Variants in CD200R1L observed in about 807,000 individuals in gnomAD.
CD200R1L encodes the protein CD200 receptor 1 like.
CD200R1L carries 14 observed loss-of-function variants against 24.8 expected under a neutral mutation model. The observed-to-expected ratio is 0.56, with a 90% confidence interval of 0.37 to 0.88. The LOEUF (loss-of-function observed/expected upper bound fraction) is 0.88, where lower values mean the gene tolerates loss of function less well. Among genes scored for constraint, CD200R1L ranks in the 40% least tolerant of loss-of-function variants. The pLI is 0.00. For synonymous variants in CD200R1L, 111 were observed against 109.2 expected (o/e 1.02, Z -0.11); for missense variants, 299 against 297.8 (o/e 1.00, Z -0.03).
chr3:112,823,766 G>A (rs1938597161), intron 6 of CD200R1L, among the ~76,000 whole-genome samples: 1 of 152,184 alleles, frequency 6.6e-6, no homozygotes, highest in South Asian at 2.1e-4. Flanking sequence ...CTGATCAAAT[G>A]CAATGGAAGA....
chr3:112,819,914 G>T lies in CD200R1L; in HGVS notation c.617-19C>A, dbSNP rs1322459289. 6.4e-7 allele frequency: 1 copy of T among 1,551,360 alleles called. No homozygotes were observed. Among genetic ancestry groups the T allele is most frequent in the Non-Finnish European group, 8.6e-7 (1 of 1,156,428 alleles). On this transcript the variant is annotated intron_variant, in intron 6 of 7. Transcript: ENST00000488794. The stretch of plus-strand genomic sequence containing the variant: ...CTGAGACCTTTAAATACAGACAGGG[G>T]TGAAAAATCATTTCAAGCATTCTTC...
intron 7 of CD200R1L, among the ~76,000 whole-genome samples, chr3:112,819,194 C>G (rs747578968): frequency 4.6e-5 from 7 of 152,260 alleles, no homozygotes; most frequent in Admixed American, 2.6e-4. Flanking sequence ...CCAAGTCCCT[C>G]CCTCAACACG....
chr3:112,843,662 C>T (rs1169796412), intron 2 of CD200R1L, among the ~76,000 whole-genome samples: 1 of 152,140 alleles, frequency 6.6e-6, no homozygotes, highest in Non-Finnish European at 1.5e-5. Context: ...TATAAAGCAA[C>T]CAGCTAATGA....
rs377219496 is a variant in CD200R1L, at chr3:112,827,029, T to A, written c.580A>T (p.Thr194Ser). ...STVTCHVSHL[T>S]GNKSLSVKLN... The stretch of plus-strand genomic sequence containing the variant: ...TTTACGGACAGACTCTTGTTGCCAG[T>A]CAAATGGGAGACATGGCAGGTCACA... The change falls in exon 6 of 8, where the codon ACT (threonine) becomes TCT (serine). Residue 194 changes from threonine (T) to serine (S), a missense_variant. Coordinates refer to ENST00000488794, the MANE Select transcript of CD200R1L (RefSeq NM_001199215.3). 156 of 1,611,930 alleles carry A rather than the reference T, an allele frequency of 9.7e-5. 1 individual carries two copies. The South Asian group carries it at 9.9e-4, about 10-fold the overall frequency.
chr3:112,843,596 T>C (rs181771797), intron 2 of CD200R1L, among the ~76,000 whole-genome samples: 4 of 152,358 alleles, frequency 2.6e-5, no homozygotes, highest in Admixed American at 2.6e-4. Context: ...ACAATGTCTG[T>C]TACTACAAAG....
At chr3:112,821,992 A>G (rs1938548011) in intron 6 of CD200R1L, among the ~76,000 whole-genome samples, 2 of 152,244 alleles carry the variant, frequency 1.3e-5, no homozygotes, top group Non-Finnish European at 2.9e-5. Flanking sequence ...TTTGGAGCAT[A>G]GAATGGAATA....
intron 2 of CD200R1L, among the ~76,000 whole-genome samples, chr3:112,839,631 A>G (rs75205160): frequency 0.023 from 3,552 of 152,288 alleles, 131 homozygotes; most frequent in African/African-American, 0.081. Context: ...ACACAAATTG[A>G]ATTCCTAACC....
intron 4 of CD200R1L, 46 bp from the exon 5 acceptor site, chr3:112,827,730 G>A: frequency 3.9e-6 from 6 of 1,536,892 alleles, no homozygotes; most frequent in Non-Finnish European, 5.3e-6. Flanking sequence ...CCTTGATAAG[G>A]AACTTCATGT....
intron 7 of CD200R1L, among the ~76,000 whole-genome samples, chr3:112,817,138 T>C (rs772536316): frequency 6.6e-6 from 1 of 152,072 alleles, no homozygotes; most frequent in African/African-American, 2.4e-5. Flanking sequence ...AATGGACTGA[T>C]TCCCATTCTA....
intron 1 of CD200R1L, 92 bp from the exon 2 acceptor site, chr3:112,846,042 A>T (rs899100601): frequency 2.1e-5 from 5 of 239,280 alleles, no homozygotes; most frequent in Non-Finnish European, 2.4e-5. Flanking sequence ...CAACTCATTT[A>T]AAAAGTAGCA....
chr3:112,825,244 A>C (rs566402999), intron 6 of CD200R1L, among the ~76,000 whole-genome samples: 18 of 143,060 alleles, frequency 1.3e-4, no homozygotes, highest in Non-Finnish European at 2.7e-4. Flanking sequence ...GTCTCAAAAA[A>C]CAAAGATTAA....
chr3:112,829,412 G>A (rs182900283), intron 3 of CD200R1L, 28 bp from the exon 4 acceptor site: 218 of 1,592,402 alleles, frequency 1.4e-4, no homozygotes, highest in African/African-American at 1.1e-3. Flanking sequence ...AAGAATAAGC[G>A]AAATCAATTT....
intron 6 of CD200R1L, among the ~76,000 whole-genome samples, chr3:112,826,011 A>G (rs1938648161): frequency 6.6e-6 from 1 of 152,202 alleles, no homozygotes; most frequent in African/African-American, 2.4e-5. Flanking sequence ...AATTGATTGT[A>G]GCAATGGTCA....
chr3:112,827,063 GT>G lies in CD200R1L; in HGVS notation c.545del (p.His182ProfsTer5), dbSNP rs58161637. ...TVKSTCPWEGHKSTVTCHVSH... is the reference protein window; with the variant it reads ...TVKSTCPWEGXKSTVTCHVSH... ...AGACATGGCAGGTCACAGTAGACTT[GT>G]GGCCCTCCCAGGGGCATGTACTCTT... is the stretch of plus-strand genomic sequence containing the variant. On this transcript the variant is annotated frameshift_variant, in exon 6 of 8. Transcript: ENST00000488794. LOFTEE classifies it high-confidence loss of function. 473,803 of 1,612,976 alleles carry G rather than the reference GT, an allele frequency of 0.29. 73,566 individuals carry two copies. Among genetic ancestry groups the G allele is most frequent in the Non-Finnish European group, 0.32 (376,583 of 1,179,878 alleles).
Position 112,815,904 on chromosome 3 carries a change from C to T in CD200R1L, c.*59G>A, listed in dbSNP as rs1938375986. The T allele has an allele frequency of 1.3e-6, 1 of 778,268 alleles. No individual in the cohort carries two copies. Among genetic ancestry groups the T allele is most frequent in the Non-Finnish European group, 2.4e-6 (1 of 416,766 alleles). The allele number at this position is 778,268 out of a possible 1,614,324, so 48.2% of individuals were successfully genotyped here. A position where few individuals can be genotyped will look rare whatever the true frequency, so the allele number is the denominator to read the frequency against. ...TTCACTGCTGGACCATCACTCATCT[C>T]ACCAATGTTGCAGTCCAGAGACAAG... On this transcript the variant is annotated 3_prime_UTR_variant, in exon 8 of 8. Coordinates refer to ENST00000488794, the MANE Select transcript of CD200R1L (RefSeq NM_001199215.3).
chr3:112,845,640 C>A (rs764958054), intron 2 of CD200R1L, 39 bp downstream of exon 2: 50 of 1,530,554 alleles, frequency 3.3e-5, no homozygotes, highest in Non-Finnish European at 4.3e-5. Context: ...TGAAAGAAAG[C>A]TTTATTTTCA....
intron 2 of CD200R1L, among the ~76,000 whole-genome samples, chr3:112,838,715 T>C (rs1939016844): frequency 6.6e-6 from 1 of 152,222 alleles, no homozygotes; most frequent in Non-Finnish European, 1.5e-5. Context: ...GCTAGTTTTA[T>C]GTGTCAAGTT....
intron 6 of CD200R1L, among the ~76,000 whole-genome samples, chr3:112,823,358 T>G (rs549828628): frequency 2.6e-5 from 4 of 152,232 alleles, no homozygotes; most frequent in Non-Finnish European, 4.4e-5. Flanking sequence ...CTCTCTGAAT[T>G]TATAGCCAGT....
intron 3 of CD200R1L, among the ~76,000 whole-genome samples, chr3:112,829,956 C>G (rs1355853696): frequency 1.3e-5 from 2 of 152,164 alleles, no homozygotes; most frequent in Non-Finnish European, 2.9e-5. Flanking sequence ...ACATGAACTC[C>G]CAACAGTCAC....
Sources: gnomAD v4.1 joint callset for allele counts (sites outside exome capture counted in the v4.1 genomes callset) on GRCh38, gnomAD v4.1.1 for gene constraint, MANE v1.5 for transcripts, NCBI Gene and HGNC (gene_info 2026-07-23, HGNC 2026-07-21) for gene names.